Variants in SSH2 observed in about 807,000 individuals in gnomAD.
The protein encoded by SSH2 is slingshot protein phosphatase 2.
Under a neutral mutation model 135.2 loss-of-function variants are expected in SSH2, and 37 were observed. The observed-to-expected ratio is 0.27, with a 90% CI of 0.21 to 0.36. SSH2 has a LOEUF of 0.36. Among genes scored for constraint, SSH2 ranks in the 10% least tolerant of loss-of-function variants. The pLI, the probability that SSH2 is intolerant of heterozygous loss-of-function variation, is 1.00. For missense variants in SSH2, 1,408 were observed against 1,765.3 expected (o/e 0.80, Z 3.63); for synonymous variants, 628 against 646.2 (o/e 0.97, Z 0.43).
At chr17:29,666,437 C>T (rs1230134996) in intron 11 of SSH2, among the ~76,000 whole-genome samples, 1 of 152,026 alleles carries the variant, frequency 6.6e-6, no homozygotes, top group African/African-American at 2.4e-5. Context: ...AATCCCAGCA[C>T]TTTGAGAGGC....
chr17:29,683,232 AG>A (rs2151074275), intron 6 of SSH2, among the ~76,000 whole-genome samples: 1 of 152,280 alleles, frequency 6.6e-6, no homozygotes, highest in East Asian at 1.9e-4. Context: ...AATTATCCAC[AG>A]CGTAAAGATC....
intron 5 of SSH2, among the ~76,000 whole-genome samples, chr17:29,692,275 T>C (rs3115099): frequency 0.4 from 60,718 of 152,092 alleles, 14,612 homozygotes; most frequent in East Asian, 0.69. Flanking sequence ...GCCTTTGCTT[T>C]GAGTCTACAA....
intron 2 of SSH2, among the ~76,000 whole-genome samples, chr17:29,803,531 G>A (rs557384548): frequency 1.6e-4 from 25 of 152,280 alleles, no homozygotes; most frequent in African/African-American, 4.8e-4. Context: ...GCTAGGCTCA[G>A]AGCTGGCATA....
intron 3 of SSH2, among the ~76,000 whole-genome samples, chr17:29,767,028 A>G (rs1178337018): frequency 6.6e-6 from 1 of 152,236 alleles, no homozygotes; most frequent in African/African-American, 2.4e-5. Flanking sequence ...TAAAAAAAGA[A>G]TATCTGACCA....
intron 2 of SSH2, among the ~76,000 whole-genome samples, chr17:29,807,508 A>AGGAGTTCATCTGCCTGAAGG (rs1188117274): frequency 6.6e-6 from 1 of 152,220 alleles, no homozygotes; most frequent in African/African-American, 2.4e-5. Flanking sequence ...ACCATACTCA[A>AGGAGTTCATCTGCCTGAAGG]GGAGTTCATC....
Position 29,667,073 on chromosome 17 carries a change from C to T in SSH2, c.903+57G>A, listed in dbSNP as rs184736666. On this transcript the variant is annotated intron_variant, in intron 10 of 15. Transcript: ENST00000540801. ...CAACCATGCACTATTTCCAGCCCCACACCTACTGTTATCCCACTGCTAGCC... is the reference window on the plus strand; with the variant it reads ...CAACCATGCACTATTTCCAGCCCCATACCTACTGTTATCCCACTGCTAGCC... 4.0e-5 allele frequency: 64 copies of T among 1,606,044 alleles called. No individual in the cohort carries two copies. In the East Asian group the frequency reaches 1.2e-3, roughly 30 times the overall value.
chr17:29,921,674 T>G (rs1417663332), intron 1 of SSH2, among the ~76,000 whole-genome samples: 3 of 151,972 alleles, frequency 2.0e-5, no homozygotes, highest in African/African-American at 7.3e-5. Context: ...CCTCCCGGGT[T>G]CAAGCGATTC....
At chr17:29,684,806 A>T in intron 5 of SSH2, 122 bp from the exon 6 acceptor site, 1 of 845,506 alleles carries the variant, frequency 1.2e-6, no homozygotes, top group East Asian at 2.9e-5. Flanking sequence ...AGTAGTTAGG[A>T]GACATAAATT....
intron 2 of SSH2, among the ~76,000 whole-genome samples, chr17:29,794,879 GA>G (rs2042131346): frequency 6.6e-6 from 1 of 152,176 alleles, no homozygotes. Flanking sequence ...ATATTATACT[GA>G]TCTTCACAGA....
chr17:29,679,686 G>T (rs912736106), intron 6 of SSH2, among the ~76,000 whole-genome samples: 2 of 152,188 alleles, frequency 1.3e-5, no homozygotes, highest in Non-Finnish European at 2.9e-5. Flanking sequence ...GATTACAGGC[G>T]TGAGCCACCG....
chr17:29,740,377 C>A (rs1433632413), intron 3 of SSH2, among the ~76,000 whole-genome samples: 1 of 152,178 alleles, frequency 6.6e-6, no homozygotes, highest in Non-Finnish European at 1.5e-5. Context: ...GCAACCAACA[C>A]TACAGAAACC....
chr17:29,917,385 C>A (rs910536500), intron 1 of SSH2, among the ~76,000 whole-genome samples: 1 of 152,180 alleles, frequency 6.6e-6, no homozygotes, highest in African/African-American at 2.4e-5. Flanking sequence ...CACATGTACA[C>A]ATTTGGTTTG....
intron 1 of SSH2, among the ~76,000 whole-genome samples, chr17:29,909,484 T>G (rs2066726006): frequency 6.6e-6 from 1 of 152,064 alleles, no homozygotes; most frequent in African/African-American, 2.4e-5. Context: ...AAAGAAAAAT[T>G]ATCACAGGTA....
rs893144696 is a variant in SSH2 at position 29,742,979 on chromosome 17, TG to T, written c.189-39918del. ...CACAGTCTCACTCTGTCGTCCAGGC[TG>T]GAGTTCAGTAGCGTGATATCAGCTC... On this transcript the variant is annotated intron_variant, in intron 3 of 15. Transcript: ENST00000540801. Among the ~76,000 whole-genome samples, 11 of 151,944 alleles carry T rather than the reference TG, an allele frequency of 7.2e-5. 1 individual carries two copies. Among genetic ancestry groups the T allele is most frequent in the African/African-American group, 2.4e-4 (10 of 41,444 alleles).
At chr17:29,757,574 A>G (rs558197508) in intron 3 of SSH2, among the ~76,000 whole-genome samples, 2 of 151,954 alleles carry the variant, frequency 1.3e-5, no homozygotes, top group Non-Finnish European at 2.9e-5. Context: ...GAAGAAGTGA[A>G]TATTATAGCA....
At chr17:29,696,885 C>A (rs796422210) in intron 4 of SSH2, among the ~76,000 whole-genome samples, 1 of 151,570 alleles carries the variant, frequency 6.6e-6, no homozygotes, top group East Asian at 2.0e-4. Flanking sequence ...GGGGTTTCAC[C>A]GTGTTAGCCA....
At chr17:29,717,624 C>T (rs1309850896) in intron 3 of SSH2, among the ~76,000 whole-genome samples, 1 of 152,172 alleles carries the variant, frequency 6.6e-6, no homozygotes, top group Non-Finnish European at 1.5e-5. Context: ...GCTGTGTATA[C>T]TTACTTGTGT....
In SSH2 at chr17:29,655,610, A is replaced by G. The variant is rs770996599; in HGVS notation, c.1033-3T>C. The G allele has an allele frequency of 1.9e-6, 3 of 1,613,988 alleles. No individual in the cohort carries two copies. The highest frequency in any genetic ancestry group is 2.2e-5 in the East Asian group (1 of 44,882). ...TTGGAGGCATTCCATTCTGAGCCCT[A>G]TGGAGCCAAAAAGACAAGGTTAAGG... On this transcript the variant is annotated splice_polypyrimidine_tract_variant and splice_region_variant and intron_variant, in intron 11 of 15. Transcript: ENST00000540801.
At chr17:29,718,442 A>C (rs1459278796) in intron 3 of SSH2, among the ~76,000 whole-genome samples, 1 of 152,168 alleles carries the variant, frequency 6.6e-6, no homozygotes, top group African/African-American at 2.4e-5. Flanking sequence ...ACCACAAAAA[A>C]CATTTATTAT....
Sources: allele counts gnomAD v4.1 joint callset (sites outside exome capture counted in the v4.1 genomes callset), GRCh38; gene constraint gnomAD v4.1.1; transcripts MANE v1.5; gene names NCBI Gene and HGNC (gene_info 2026-07-23, HGNC 2026-07-21).